The following MRE11 variants were observed in gnomAD, a reference collection of about 807,000 sequenced individuals.
MRE11 encodes MRE11 double strand break repair nuclease, also known as double-strand break repair protein MRE11.
Under a neutral mutation model 91.7 loss-of-function variants are expected in MRE11, and 62 were observed. The observed-to-expected ratio is 0.68, with a 90% CI of 0.55 to 0.84. MRE11 has a LOEUF of 0.84. Among genes scored for constraint, MRE11 ranks in the 40% least tolerant of loss-of-function variants. The pLI, the probability that MRE11 is intolerant of heterozygous loss-of-function variation, is 0.00. For missense variants in MRE11, 796 were observed against 852.9 expected (o/e 0.93, Z 0.83); for synonymous variants, 273 against 271.4 (o/e 1.01, Z -0.06).
chr11:94,460,724 T>C (rs1347954420), intron 12 of MRE11, among the ~76,000 whole-genome samples: 1 of 152,192 alleles, frequency 6.6e-6, no homozygotes, highest in Non-Finnish European at 1.5e-5. Flanking sequence ...AACAGCTATA[T>C]TAATAACAGT....
At chr11:94,501,396 A>G in the MRE11 span, among the ~76,000 whole-genome samples, 2 of 152,232 alleles carry the variant, frequency 1.3e-5, no homozygotes, top group Non-Finnish European at 2.9e-5. Context: ...ACACAAACAT[A>G]GATAAGCAAA....
rs538075228 is a variant in MRE11, at chr11:94,486,120, T to C, written c.154-36A>G. 8.1e-6 allele frequency: 13 copies of C among 1,608,872 alleles called. No individual in the cohort carries two copies. In the South Asian group the frequency reaches 1.4e-4, roughly 18 times the overall value. The stretch of plus-strand genomic sequence containing the variant: ...GAAAAAGGTGTTAAAATTAGTATGT[T>C]TTACAGGTAAAATTTTTGTAAACTA... On this transcript the variant is annotated intron_variant, in intron 3 of 19. Transcript: ENST00000323929.
intron 14 of MRE11, among the ~76,000 whole-genome samples, chr11:94,451,829 T>G (rs1051022192): frequency 2.0e-4 from 31 of 152,164 alleles, no homozygotes; most frequent in Non-Finnish European, 4.4e-4. Context: ...TATATTACTA[T>G]GTGTATATAT....
At chr11:94,421,019 G>A (rs1945156875) in intron 19 of MRE11, among the ~76,000 whole-genome samples, 1 of 149,124 alleles carries the variant, frequency 6.7e-6, no homozygotes, top group African/African-American at 2.5e-5. Flanking sequence ...GCGACAGAGC[G>A]AGAGACTCCA....
At chr11:94,450,669 T>C (rs1946075375) in intron 14 of MRE11, among the ~76,000 whole-genome samples, 1 of 152,172 alleles carries the variant, frequency 6.6e-6, no homozygotes, top group African/African-American at 2.4e-5. Flanking sequence ...TAGAAAATCA[T>C]AACAAGAATA....
intron 18 of MRE11, among the ~76,000 whole-genome samples, chr11:94,430,610 T>C (rs963906732): frequency 6.6e-6 from 1 of 151,716 alleles, no homozygotes; most frequent in Non-Finnish European, 1.5e-5. Flanking sequence ...CCCCTCAGCA[T>C]GCCACCATGC....
chr11:94,432,300 G>A (rs1470860050), intron 18 of MRE11, among the ~76,000 whole-genome samples: 1 of 152,150 alleles, frequency 6.6e-6, no homozygotes, highest in Admixed American at 6.5e-5. Flanking sequence ...ATAAAGGCCA[G>A]TACGGCCTTC....
chr11:94,419,988 T>A lies in MRE11; in HGVS notation c.*137A>T. 3 of 651,376 alleles carry A rather than the reference T, an allele frequency of 4.6e-6. No individual in the cohort carries two copies. The highest frequency in any genetic ancestry group is 7.8e-6 in the Non-Finnish European group (3 of 386,194). 40.3% of individuals were successfully genotyped at this position (651,376 alleles called of 1,614,324 possible). A position where few individuals can be genotyped will look rare whatever the true frequency, so the allele number is the denominator to read the frequency against. ...AACAAGGTGAATCAATGCTATTGTA[T>A]GTCTGTGAACTAGAAATTTCTTACT... On this transcript the variant is annotated 3_prime_UTR_variant, in exon 20 of 20. Coordinates refer to ENST00000323929, the MANE Select transcript of MRE11 (RefSeq NM_005591.4).
chr11:94,475,023 T>C (rs1185220999), intron 7 of MRE11, among the ~76,000 whole-genome samples: 2 of 152,222 alleles, frequency 1.3e-5, no homozygotes, highest in East Asian at 1.9e-4. Context: ...AACTCACACA[T>C]AAGGTAACAC....
chr11:94,498,733 G>T, upstream of MRE11: 1 of 575,768 alleles, frequency 1.7e-6, no homozygotes, highest in Non-Finnish European at 3.0e-6. Context: ...TTATTTCTGT[G>T]GAGTTTGTGA....
chr11:94,507,426 G>A, the MRE11 span, among the ~76,000 whole-genome samples: 1 of 151,976 alleles, frequency 6.6e-6, no homozygotes, highest in East Asian at 1.9e-4. Context: ...GAATAACGCT[G>A]CCATAAACAT....
intron 3 of MRE11, among the ~76,000 whole-genome samples, chr11:94,490,528 G>A (rs1947257695): frequency 2.0e-5 from 3 of 152,240 alleles, no homozygotes; most frequent in Non-Finnish European, 4.4e-5. Flanking sequence ...TTTCTTCTAC[G>A]TTATCTGAAA....
intron 14 of MRE11, among the ~76,000 whole-genome samples, chr11:94,452,649 T>G (rs920690473): frequency 6.6e-6 from 1 of 152,206 alleles, no homozygotes; most frequent in Non-Finnish European, 1.5e-5. Flanking sequence ...ATATTCAAAT[T>G]GTATTTTAAC....
Position 94,429,908 on chromosome 11 carries a change from T to C in MRE11, c.2070+3A>G, listed in dbSNP as rs1945417224. The C allele has an allele frequency of 6.2e-7, 1 of 1,610,258 alleles. No individual in the cohort carries two copies. The highest frequency in any genetic ancestry group is 1.1e-5 in the South Asian group (1 of 90,716). On this transcript the variant is annotated splice_donor_region_variant and intron_variant, in intron 19 of 19. Coordinates refer to ENST00000323929, the MANE Select transcript of MRE11 (RefSeq NM_005591.4). ...TTAAAATTTAACAATATTACTTATT[T>C]ACCTCACTTGATTCAAAATCAACCC...
At chr11:94,504,273 A>G in the MRE11 span, among the ~76,000 whole-genome samples, 1 of 152,224 alleles carries the variant, frequency 6.6e-6, no homozygotes, top group Non-Finnish European at 1.5e-5. Context: ...ATTTTTAAAA[A>G]TAGATATCCA....
chr11:94,461,555 T>C (rs1946414989), intron 11 of MRE11, among the ~76,000 whole-genome samples: 1 of 152,184 alleles, frequency 6.6e-6, no homozygotes, highest in Non-Finnish European at 1.5e-5. Flanking sequence ...CTTTGAAAAC[T>C]GGCACAAGAC....
chr11:94,446,464 T>C (rs1487696618), intron 15 of MRE11, among the ~76,000 whole-genome samples: 1 of 152,088 alleles, frequency 6.6e-6, no homozygotes, highest in Non-Finnish European at 1.5e-5. Flanking sequence ...ATTTTGTAAA[T>C]GTAAGAATAG....
At chr11:94,438,496 G>A (rs1303796387) in intron 16 of MRE11, among the ~76,000 whole-genome samples, 1 of 152,106 alleles carries the variant, frequency 6.6e-6, no homozygotes, top group Non-Finnish European at 1.5e-5. Flanking sequence ...TACTCAAAAG[G>A]CTAGACAGAG....
chr11:94,465,112 G>C (rs1332210830), intron 10 of MRE11, among the ~76,000 whole-genome samples: 3 of 152,102 alleles, frequency 2.0e-5, no homozygotes, highest in Non-Finnish European at 4.4e-5. Flanking sequence ...ATAATAGCAG[G>C]TACTCAGTAA....
Sources: gnomAD v4.1 joint callset for allele counts (sites outside exome capture counted in the v4.1 genomes callset) on GRCh38, gnomAD v4.1.1 for gene constraint, MANE v1.5 for transcripts, NCBI Gene and HGNC (gene_info 2026-07-23, HGNC 2026-07-21) for gene names.